The following SFMBT2 variants were observed in gnomAD, a reference collection of about 807,000 sequenced individuals.
The protein encoded by SFMBT2 is scm-like with four MBT domains protein 2.
A neutral mutation model predicts 110.1 loss-of-function variants in SFMBT2; 38 were observed. The observed-to-expected ratio is 0.35, with a 90% CI of 0.27 to 0.45. The LOEUF (loss-of-function observed/expected upper bound fraction) is 0.45. Ranked by LOEUF, SFMBT2 falls within the 20% of genes least tolerant of loss-of-function variation. The pLI, the probability that SFMBT2 is intolerant of heterozygous loss-of-function variation, is 1.00. For missense variants in SFMBT2, 1,011 were observed against 1,094.9 expected, an observed-to-expected ratio of 0.92 and a Z score of 1.08; for synonymous variants, 425 against 425.4, an observed-to-expected ratio of 1.00 and a Z score of 0.01.
At position 7,367,841 on chromosome 10, in the gene SFMBT2, C is replaced by G; in HGVS notation, c.244G>C (p.Val82Leu). The G allele has an allele frequency of 2.5e-6, 4 of 1,614,216 alleles. No individual in the cohort carries two copies. The highest frequency in any genetic ancestry group is 3.4e-6 in the Non-Finnish European group (4 of 1,180,038). Reference sequence around the variant, plus strand: ...GTGTCCGGGTTGTTCTTATTAGCCACTTCCAATTTCATTCCTGGCTGGAAG... The same window carrying G: ...GTGTCCGGGTTGTTCTTATTAGCCAGTTCCAATTTCATTCCTGGCTGGAAG... ...SNFQPGMKLE[V>L]ANKNNPDTYW... Residue 82 changes from valine (V) to leucine (L), a missense_variant, in exon 4 of 21, where the codon GTG becomes CTG. Val to Leu is a conservative substitution (Grantham distance 32, BLOSUM62 1). Coordinates refer to ENST00000397167, the MANE Select transcript of SFMBT2 (RefSeq NM_001387889.1). This position sits in a 1 kb window ranked among gnomAD's most constrained non-coding sequence, Gnocchi z 6.2.
At chr10:7,348,257 G>A (rs1476217058) in intron 4 of SFMBT2, 46 of 1,492,434 alleles carry the variant, frequency 3.1e-5, no homozygotes, top group Non-Finnish European at 3.7e-5. Flanking sequence ...ATTTCGTGAC[G>A]GTCTCGAAGA....
intron 9 of SFMBT2, among the ~76,000 whole-genome samples, chr10:7,242,816 C>T (rs1229425099): frequency 6.6e-6 from 1 of 152,234 alleles, no homozygotes; most frequent in Admixed American, 6.5e-5. Context: ...CCCTAGAGAT[C>T]TGGAAAGGTT....
chr10:7,197,335 C>A (rs1183190288), intron 15 of SFMBT2, among the ~76,000 whole-genome samples: 1 of 152,132 alleles, frequency 6.6e-6, no homozygotes, highest in African/African-American at 2.4e-5. Flanking sequence ...AGATGTGTGT[C>A]CCTCCCTCTA....
intron 7 of SFMBT2, among the ~76,000 whole-genome samples, chr10:7,254,858 G>A (rs1003150500): frequency 3.3e-5 from 5 of 152,052 alleles, no homozygotes; most frequent in African/African-American, 1.2e-4. Context: ...TGGCACAGTG[G>A]ATTTATGCAT....
chr10:7,252,592 C>A (rs573587862), intron 7 of SFMBT2, among the ~76,000 whole-genome samples: 2 of 152,068 alleles, frequency 1.3e-5, no homozygotes, highest in African/African-American at 2.4e-5. Flanking sequence ...ATGGTGGATG[C>A]GGGATGAAAA....
At chr10:7,276,380 C>A (rs1030957174) in intron 7 of SFMBT2, among the ~76,000 whole-genome samples, 1 of 152,040 alleles carries the variant, frequency 6.6e-6, no homozygotes, top group Non-Finnish European at 1.5e-5. Context: ...AGTCAGTAAA[C>A]CTAAACAATT....
At chr10:7,216,803 C>A (rs901376299) in intron 11 of SFMBT2, among the ~76,000 whole-genome samples, 1 of 152,200 alleles carries the variant, frequency 6.6e-6, no homozygotes, top group Admixed American at 6.5e-5. Flanking sequence ...CTATTCAAAT[C>A]TGTCTCCTTC....
chr10:7,215,701 C>A lies in SFMBT2; in HGVS notation c.1330+4710G>T, dbSNP rs7071888. 497 of 985,424 alleles carry A rather than the reference C, an allele frequency of 5.0e-4. No homozygotes were observed. In the African/African-American group the frequency reaches 8.2e-3, roughly 16 times the overall value. 61.0% of individuals were successfully genotyped at this position (985,424 alleles called of 1,614,324 possible). ...GTCCGCTGCAGGTGCCAGAGGGCGG[C>A]TGGCCGATGAATTTAAGCCCACTGA... On this transcript the variant is annotated intron_variant, in intron 11 of 20. Coordinates refer to ENST00000397167, the MANE Select transcript of SFMBT2 (RefSeq NM_001387889.1).
chr10:7,362,659 A>T (rs1844761466), intron 4 of SFMBT2, among the ~76,000 whole-genome samples: 1 of 152,254 alleles, frequency 6.6e-6, no homozygotes, highest in Non-Finnish European at 1.5e-5. Context: ...ATCCACAACC[A>T]ACTGACTTGA....
In SFMBT2 at chr10:7,367,763, A is replaced by G; in HGVS notation, c.322T>C (p.Tyr108His). 2 of 1,614,160 alleles carry G rather than the reference A, an allele frequency of 1.2e-6. No homozygotes were observed. Among genetic ancestry groups the G allele is most frequent in the Non-Finnish European group, 1.7e-6 (2 of 1,180,026 alleles). Residue 108 changes from tyrosine to histidine, a missense_variant, in exon 4 of 21, where the codon TAC (tyrosine) becomes CAC (histidine). By Grantham distance (83) the Tyr-to-His change is moderately conservative. Coordinates refer to ENST00000397167, the MANE Select transcript of SFMBT2 (RefSeq NM_001387889.1). This position sits in a 1 kb window ranked among gnomAD's most constrained non-coding sequence, Gnocchi z 6.2. Reference protein sequence around the residue: ...TTCGQLLLLRYCGYGEDRRAD... With the variant: ...TTCGQLLLLRHCGYGEDRRAD... Reference sequence around the variant, plus strand: ...CTGCGGTCCTCCCCGTAACCGCAGTAGCGCAGAAGCAGCAGCTGCCCGCAC... The same window carrying G: ...CTGCGGTCCTCCCCGTAACCGCAGTGGCGCAGAAGCAGCAGCTGCCCGCAC...
intron 4 of SFMBT2, among the ~76,000 whole-genome samples, chr10:7,342,688 C>T (rs1043811461): frequency 5.3e-5 from 8 of 152,118 alleles, no homozygotes; most frequent in Middle Eastern, 3.4e-3. Flanking sequence ...TGAGCCACCA[C>T]GCCCGGCCTG....
intron 6 of SFMBT2, among the ~76,000 whole-genome samples, chr10:7,282,177 C>T (rs923418545): frequency 6.6e-6 from 1 of 152,126 alleles, no homozygotes; most frequent in Non-Finnish European, 1.5e-5. Flanking sequence ...AATGCTAAGA[C>T]AAGTAAACAC....
chr10:7,314,822 C>T (rs185017066), intron 4 of SFMBT2, among the ~76,000 whole-genome samples: 29 of 151,778 alleles, frequency 1.9e-4, no homozygotes, highest in African/African-American at 5.8e-4. Context: ...GCAAGAGAAC[C>T]TTTTGAACTC....
chr10:7,170,906 C>T lies in SFMBT2; in HGVS notation c.2544+22G>A, dbSNP rs761242244. The T allele has an allele frequency of 5.6e-6, 9 of 1,613,724 alleles. No homozygotes were observed. Among genetic ancestry groups the T allele is most frequent in the African/African-American group, 2.7e-5 (2 of 74,980 alleles). On this transcript the variant is annotated intron_variant, in intron 20 of 20. Transcript: ENST00000397167. The surrounding 1 kb of genome is among the most constrained non-coding windows in gnomAD (Gnocchi z 4.6). ...GCAGAGTCTCAGCACATCAAACAAT[C>T]GACACGCGGCAACCACCGTACCTGC...
At chr10:7,228,689 TTCTTTCTTTC>T (rs1347730922) in intron 9 of SFMBT2, among the ~76,000 whole-genome samples, 2 of 118,252 alleles carry the variant, frequency 1.7e-5, no homozygotes, top group Non-Finnish European at 3.5e-5. Flanking sequence ...CTTTCTTTCT[TTCTTTCTTTC>T]TTTCTTTCTT....
At chr10:7,335,862 T>G (rs1588459292) in intron 4 of SFMBT2, among the ~76,000 whole-genome samples, 1 of 152,236 alleles carries the variant, frequency 6.6e-6, no homozygotes, top group Non-Finnish European at 1.5e-5. Flanking sequence ...CTAATTGTTT[T>G]AGTTATTAAA....
At chr10:7,354,416 T>C (rs1844430875) in intron 4 of SFMBT2, among the ~76,000 whole-genome samples, 1 of 152,150 alleles carries the variant, frequency 6.6e-6, no homozygotes, top group Non-Finnish European at 1.5e-5. Flanking sequence ...ACGGCTGGCA[T>C]AGTGGGCATG....
intron 8 of SFMBT2, among the ~76,000 whole-genome samples, chr10:7,246,772 A>G (rs1028965436): frequency 2.3e-5 from 3 of 132,916 alleles, no homozygotes; most frequent in Middle Eastern, 3.6e-3. Flanking sequence ...CTGACAGGCT[A>G]TGCACATCAA....
At chr10:7,409,528 C>A (rs1321067086) in intron 1 of SFMBT2, among the ~76,000 whole-genome samples, 6 of 152,116 alleles carry the variant, frequency 3.9e-5, no homozygotes, top group African/African-American at 1.4e-4. Context: ...CAGGCCTGCA[C>A]ACTAATCCAC....
Sources: gnomAD v4.1 joint callset for allele counts (sites outside exome capture counted in the v4.1 genomes callset) on GRCh38, gnomAD v4.1.1 for gene constraint, Gnocchi (gnomAD v3.1) non-coding constraint, MANE v1.5 for transcripts, NCBI Gene and HGNC (gene_info 2026-07-23, HGNC 2026-07-21) for gene names.